Variants in LEKR1 observed in about 807,000 individuals in gnomAD.
The protein encoded by LEKR1 is protein LEKR1.
LEKR1 carries 59 observed loss-of-function variants against 72.4 expected under a neutral mutation model. That is an observed-to-expected ratio of 0.82 (90% CI 0.66 to 1.01). The LOEUF (loss-of-function observed/expected upper bound fraction) is 1.01, where lower values mean the gene tolerates loss of function less well. Ranked by LOEUF, LEKR1 falls within the 50% of genes least tolerant of loss-of-function variation. The pLI, the probability that LEKR1 is intolerant of heterozygous loss-of-function variation, is 0.00. For synonymous variants in LEKR1, 257 were observed against 263.2 expected (o/e 0.98, Z 0.23); for missense variants, 728 against 759.2 (o/e 0.96, Z 0.48).
At position 156,993,192 on chromosome 3, in the gene LEKR1, A is replaced by C. The variant is rs757623840; in HGVS notation, c.1024A>C (p.Ile342Leu). Reference sequence around the variant, plus strand: ...GCAAGAAGAAGACATAAAGAGAAGAATTAACCTTGCAGAAAATGAACTGGA... The same window carrying C: ...GCAAGAAGAAGACATAAAGAGAAGACTTAACCTTGCAGAAAATGAACTGGA... ...EKQEEDIKRR[I>L]NLAENELEIT... Residue 342 changes from isoleucine to leucine, a missense_variant, in exon 9 of 13, where the codon ATT becomes CTT. Transcript: ENST00000356539. 1.2e-6 allele frequency: 2 copies of C among 1,612,602 alleles called. No homozygotes were observed. The highest frequency in any genetic ancestry group is 1.7e-6 in the Non-Finnish European group (2 of 1,179,086).
At chr3:157,030,536 T>C (rs1734526236) in intron 12 of LEKR1, among the ~76,000 whole-genome samples, 1 of 152,188 alleles carries the variant, frequency 6.6e-6, no homozygotes, top group Admixed American at 6.5e-5. Flanking sequence ...AAAAAAAGCA[T>C]AGACTGAAAG....
At chr3:156,955,839 A>C (rs1727580171) in intron 6 of LEKR1, among the ~76,000 whole-genome samples, 2 of 150,868 alleles carry the variant, frequency 1.3e-5, no homozygotes, top group African/African-American at 4.9e-5. Flanking sequence ...TTGTTGTTAC[A>C]TCTCTGCCAG....
intron 2 of LEKR1, among the ~76,000 whole-genome samples, chr3:156,834,364 T>G (rs1025171705): frequency 2.2e-4 from 33 of 152,216 alleles, no homozygotes; most frequent in African/African-American, 7.2e-4. Flanking sequence ...TTATAAATCT[T>G]TTACAACTTG....
intron 9 of LEKR1, among the ~76,000 whole-genome samples, chr3:157,009,582 C>T (rs1005220324): frequency 3.3e-5 from 5 of 152,056 alleles, no homozygotes; most frequent in African/African-American, 9.7e-5. Flanking sequence ...CCTTAAATCT[C>T]CTTTATCTTT....
intron 3 of LEKR1, among the ~76,000 whole-genome samples, chr3:156,909,669 A>AAAAAAAAAG (rs1553800892): frequency 3.4e-5 from 5 of 145,930 alleles, no homozygotes; most frequent in African/African-American, 1.0e-4. Context: ...AAAAAAAAAA[A>AAAAAAAAAG]AAAGAAATCT....
At chr3:156,983,368 C>T (rs371935006) in intron 7 of LEKR1, among the ~76,000 whole-genome samples, 1 of 152,114 alleles carries the variant, frequency 6.6e-6, no homozygotes, top group Non-Finnish European at 1.5e-5. Context: ...TGTCACACTC[C>T]AATCTACATA....
At chr3:156,996,637 A>G (rs914727339) in intron 9 of LEKR1, among the ~76,000 whole-genome samples, 2 of 152,170 alleles carry the variant, frequency 1.3e-5, no homozygotes, top group Non-Finnish European at 2.9e-5. Context: ...ATAGGTAGTG[A>G]AGCTTAAGAG....
chr3:157,036,589 A>G (rs775148290), intron 12 of LEKR1, among the ~76,000 whole-genome samples: 1 of 152,200 alleles, frequency 6.6e-6, no homozygotes, highest in East Asian at 1.9e-4. Flanking sequence ...ATATGACAGC[A>G]CAATGATGGA....
intron 10 of LEKR1, among the ~76,000 whole-genome samples, chr3:157,023,389 A>C (rs1032915420): frequency 2.6e-5 from 4 of 152,168 alleles, no homozygotes; most frequent in South Asian, 2.1e-4. Flanking sequence ...TGTTGGCTCA[A>C]CTACAGGAAA....
intron 3 of LEKR1, among the ~76,000 whole-genome samples, chr3:156,888,784 C>A (rs987054715): frequency 6.6e-6 from 1 of 152,202 alleles, no homozygotes; most frequent in Admixed American, 6.5e-5. Context: ...GTTCTTCTCA[C>A]CAGAATCACA....
At chr3:156,903,852 A>C (rs919970959) in intron 3 of LEKR1, among the ~76,000 whole-genome samples, 1 of 152,164 alleles carries the variant, frequency 6.6e-6, no homozygotes, top group Non-Finnish European at 1.5e-5. Flanking sequence ...AAGAGCTCTG[A>C]TTGACTCAGT....
intron 3 of LEKR1, among the ~76,000 whole-genome samples, chr3:156,889,499 C>A (rs1388088722): frequency 2.0e-5 from 3 of 152,108 alleles, no homozygotes; most frequent in Admixed American, 2.0e-4. Flanking sequence ...CAACTCTTTA[C>A]CATGCTGAAA....
intron 9 of LEKR1, among the ~76,000 whole-genome samples, chr3:157,010,991 T>A (rs1732844858): frequency 3.9e-5 from 6 of 152,132 alleles, no homozygotes; most frequent in Admixed American, 3.9e-4. Context: ...TAATGGCATA[T>A]CCCAACATAT....
At chr3:156,844,812 G>C (rs904474609) in intron 2 of LEKR1, among the ~76,000 whole-genome samples, 6 of 151,712 alleles carry the variant, frequency 4.0e-5, no homozygotes, top group Non-Finnish European at 8.8e-5. Context: ...TACATATAAA[G>C]CTGCTATAAA....
chr3:156,980,456 T>G (rs1730088142), intron 7 of LEKR1, among the ~76,000 whole-genome samples: 2 of 151,008 alleles, frequency 1.3e-5, no homozygotes. Context: ...TGTAGATGGC[T>G]GGGGTTGAAG....
chr3:156,943,857 A>G (rs1323437908), intron 6 of LEKR1, among the ~76,000 whole-genome samples: 1 of 151,878 alleles, frequency 6.6e-6, no homozygotes, highest in Non-Finnish European at 1.5e-5. Flanking sequence ...GCAACAGATA[A>G]AAATTTTAAA....
At chr3:156,852,738 A>T (rs1353258236) in intron 2 of LEKR1, 30 bp from the exon 3 acceptor site, 5 of 1,243,466 alleles carry the variant, frequency 4.0e-6, no homozygotes, top group South Asian at 1.5e-5. Context: ...GAATTAAAAA[A>T]ATTTGGTAAG....
chr3:156,957,676 T>A (rs1354674934), intron 6 of LEKR1, among the ~76,000 whole-genome samples: 1 of 106,592 alleles, frequency 9.4e-6, no homozygotes, highest in Non-Finnish European at 2.1e-5. Context: ...TTTTCAGATG[T>A]TTTCAGTCTT....
chr3:156,892,027 GC>G (rs1431259722), intron 3 of LEKR1, among the ~76,000 whole-genome samples: 1 of 151,738 alleles, frequency 6.6e-6, no homozygotes, highest in Non-Finnish European at 1.5e-5. Flanking sequence ...ATTAAAGGTA[GC>G]CCCCCGCCCC....
Sources: allele counts gnomAD v4.1 joint callset (sites outside exome capture counted in the v4.1 genomes callset), GRCh38; gene constraint gnomAD v4.1.1; transcripts MANE v1.5; gene names NCBI Gene and HGNC (gene_info 2026-07-23, HGNC 2026-07-21).